GALNT2: variants seen among roughly 807,000 people sequenced by gnomAD.
GALNT2 encodes the protein UDP-GalNAc:polypeptide N-acetylgalactosaminyltransferase 2.
A neutral mutation model predicts 81.4 loss-of-function variants in GALNT2; 31 were observed. That is an observed-to-expected ratio of 0.38 (90% CI 0.29 to 0.51). The LOEUF (loss-of-function observed/expected upper bound fraction) is 0.51. GALNT2 is among the 20% of genes least tolerant of loss of function. The pLI, the probability that GALNT2 is intolerant of heterozygous loss-of-function variation, is 0.87. For synonymous variants in GALNT2, 303 were observed against 287.4 expected (o/e 1.05, Z -0.55); for missense variants, 629 against 765.7 (o/e 0.82, Z 2.11).
intron 1 of GALNT2, among the ~76,000 whole-genome samples, chr1:230,145,597 G>A (rs116468714): frequency 1.3e-5 from 2 of 152,238 alleles, no homozygotes; most frequent in African/African-American, 4.8e-5. Context: ...ACATTTACAC[G>A]GTTTTCTTTT....
chr1:230,114,635 A>G (rs1197612806), intron 1 of GALNT2, among the ~76,000 whole-genome samples: 1 of 152,090 alleles, frequency 6.6e-6, no homozygotes, highest in Admixed American at 6.6e-5. Flanking sequence ...CACCCGGCGA[A>G]CTGGCCTGCG....
intron 1 of GALNT2, among the ~76,000 whole-genome samples, chr1:230,134,949 C>G (rs536348631): frequency 6.6e-6 from 1 of 152,308 alleles, no homozygotes; most frequent in African/African-American, 2.4e-5. Context: ...TCAGTGTGAA[C>G]TAAAAACCTA....
chr1:230,077,697 C>G (rs1230231567), intron 1 of GALNT2, among the ~76,000 whole-genome samples: 1 of 152,144 alleles, frequency 6.6e-6, no homozygotes, highest in Non-Finnish European at 1.5e-5. Flanking sequence ...CTATTTTCTT[C>G]AAACAGAGTC....
At chr1:230,263,045 T>G (rs976407644) in intron 13 of GALNT2, 40 bp downstream of exon 13, 5 of 1,538,692 alleles carry the variant, frequency 3.2e-6, no homozygotes, top group Non-Finnish European at 4.5e-6. Flanking sequence ...TTGTAAGGGC[T>G]TAGAAGCCAG....
chr1:230,248,632 G>C (rs1665449651), intron 8 of GALNT2, among the ~76,000 whole-genome samples: 1 of 152,174 alleles, frequency 6.6e-6, no homozygotes, highest in South Asian at 2.1e-4. Flanking sequence ...GCCCAGCTTG[G>C]CAACTTCCGC....
At chr1:230,118,031 C>T (rs1399427643) in intron 1 of GALNT2, among the ~76,000 whole-genome samples, 1 of 152,226 alleles carries the variant, frequency 6.6e-6, no homozygotes, top group Admixed American at 6.5e-5. Context: ...ACCCCGATAA[C>T]CACTGATCTT....
At chr1:230,137,445 C>T (rs945309000) in intron 1 of GALNT2, among the ~76,000 whole-genome samples, 7 of 152,220 alleles carry the variant, frequency 4.6e-5, no homozygotes, top group African/African-American at 1.7e-4. Context: ...GCTGACCTCT[C>T]CCCTCCCCAC....
At chr1:230,226,013 A>T (rs1298248111) in intron 3 of GALNT2, among the ~76,000 whole-genome samples, 2 of 152,232 alleles carry the variant, frequency 1.3e-5, no homozygotes, top group Admixed American at 1.3e-4. Context: ...GAGCTTTGTG[A>T]TAATCAGAAG....
At chr1:230,124,399 G>C (rs113816302) in intron 1 of GALNT2, among the ~76,000 whole-genome samples, 5 of 152,136 alleles carry the variant, frequency 3.3e-5, no homozygotes, top group African/African-American at 1.2e-4. Flanking sequence ...TGGACTTGTG[G>C]CAAGCTGGAA....
At chr1:230,214,147 A>G (rs1664315403) in intron 3 of GALNT2, among the ~76,000 whole-genome samples, 2 of 148,360 alleles carry the variant, frequency 1.3e-5, no homozygotes, top group South Asian at 2.1e-4. Flanking sequence ...AGTCTCGCTC[A>G]TGTTGCCCAG....
intron 3 of GALNT2, among the ~76,000 whole-genome samples, chr1:230,205,046 T>A (rs6686718): frequency 0.076 from 11,545 of 152,228 alleles, 895 homozygotes; most frequent in African/African-American, 0.18. Flanking sequence ...GCAGAAGCCC[T>A]GCCAGGAAAG....
In GALNT2 at chr1:230,279,298, T is replaced by G. The variant is rs1263109489; in HGVS notation, c.1561-5T>G. 8 of 1,613,384 alleles carry G rather than the reference T, an allele frequency of 5.0e-6. No homozygotes were observed. Among genetic ancestry groups the G allele is most frequent in the Non-Finnish European group, 6.8e-6 (8 of 1,179,504 alleles). On this transcript the variant is annotated splice_polypyrimidine_tract_variant and splice_region_variant and intron_variant, in intron 15 of 15. Coordinates refer to ENST00000366672, the MANE Select transcript of GALNT2 (RefSeq NM_004481.5). The surrounding 1 kb of genome is among the most constrained non-coding windows in gnomAD (Gnocchi z 4.6). ...CACTCTAAGGCACTCTCCTGTGTCTTGCAGAAATGGGAACAGATCGAGGGC... is the reference window on the plus strand; with the variant it reads ...CACTCTAAGGCACTCTCCTGTGTCTGGCAGAAATGGGAACAGATCGAGGGC...
rs79434418 is a variant in GALNT2, at chr1:230,108,394, C to T, written c.126+40988C>T. 9.0e-3 allele frequency among the ~76,000 whole-genome samples: 1,368 copies of T among 152,224 alleles called. 3 individuals are homozygous for T. Among genetic ancestry groups the T allele is most frequent in the Non-Finnish European group, 0.014 (949 of 68,018 alleles). On this transcript the variant is annotated intron_variant, in intron 1 of 15. Transcript: ENST00000366672. Reference sequence around the variant, plus strand: ...CTCAATTAACAATGAAGCTATGTCCCGATAAACCCATCATAAGTTGAAAAT... The same window carrying T: ...CTCAATTAACAATGAAGCTATGTCCTGATAAACCCATCATAAGTTGAAAAT...
intron 1 of GALNT2, among the ~76,000 whole-genome samples, chr1:230,072,917 C>T (rs1402893190): frequency 6.6e-6 from 1 of 152,188 alleles, no homozygotes; most frequent in Non-Finnish European, 1.5e-5. Flanking sequence ...AGAAGGAGGC[C>T]TAGCCCCACT....
chr1:230,277,652 C>T (rs935836887), intron 15 of GALNT2, among the ~76,000 whole-genome samples: 2 of 152,198 alleles, frequency 1.3e-5, no homozygotes, highest in African/African-American at 4.8e-5. Context: ...AGCAGGTGGA[C>T]GGAAATAAGG....
intron 1 of GALNT2, among the ~76,000 whole-genome samples, chr1:230,142,597 C>T (rs1045080158): frequency 1.3e-5 from 2 of 152,144 alleles, no homozygotes; most frequent in Non-Finnish European, 2.9e-5. Flanking sequence ...ATACCTAGTA[C>T]GTGCATAGTA....
intron 1 of GALNT2, among the ~76,000 whole-genome samples, chr1:230,113,733 A>G (rs971203223): frequency 1.3e-5 from 2 of 152,084 alleles, no homozygotes; most frequent in African/African-American, 4.8e-5. Context: ...TCAGAAGCCC[A>G]GGGAGTGTTG....
At chr1:230,269,765 C>T (rs143025734) in intron 14 of GALNT2, among the ~76,000 whole-genome samples, 6,722 of 151,894 alleles carry the variant, frequency 0.044, 190 homozygotes, top group Non-Finnish European at 0.065. Context: ...GTTGTGATGA[C>T]CTGTGCCTGT....
intron 1 of GALNT2, among the ~76,000 whole-genome samples, chr1:230,108,944 GT>G (rs5781565): frequency 0.43 from 65,190 of 152,082 alleles, 13,976 homozygotes; most frequent in South Asian, 0.53. Context: ...AGTCAGAATT[GT>G]TAAGTCGAGC....
Sources: allele counts gnomAD v4.1 joint callset (sites outside exome capture counted in the v4.1 genomes callset), GRCh38; gene constraint gnomAD v4.1.1; non-coding constraint Gnocchi (gnomAD v3.1); transcripts MANE v1.5; gene names NCBI Gene and HGNC (gene_info 2026-07-23, HGNC 2026-07-21).